The following PROM1 variants were observed in gnomAD, a reference collection of about 807,000 sequenced individuals.
The protein encoded by PROM1 is prominin 1.
Under a neutral mutation model 116.9 loss-of-function variants are expected in PROM1, and 105 were observed. The observed-to-expected ratio is 0.90, with a 90% CI of 0.77 to 1.06. The LOEUF is 1.06. Ranked by LOEUF, PROM1 falls within the 50% of genes least tolerant of loss-of-function variation. The pLI, the probability that PROM1 is intolerant of heterozygous loss-of-function variation, is 0.00. For synonymous variants in PROM1, 393 were observed against 387.0 expected, an observed-to-expected ratio of 1.02 and a Z score of -0.18; for missense variants, 1,122 against 1,045.2, an observed-to-expected ratio of 1.07 and a Z score of -1.01.
At chr4:16,080,528 A>G (rs1744845763) in intron 1 of PROM1, 2 of 152,160 alleles carry the variant, frequency 1.3e-5, no homozygotes, top group African/African-American at 4.8e-5. Flanking sequence ...AAAAAAAAAA[A>G]TTAAAAATGA....
intron 12 of PROM1, among the ~76,000 whole-genome samples, chr4:16,008,257 T>G (rs529887403): frequency 5.3e-5 from 8 of 152,302 alleles, no homozygotes; most frequent in Admixed American, 1.3e-4. Context: ...TACATGATCC[T>G]CTAAATTTCT....
chr4:16,057,661 C>T (rs1363638163), intron 2 of PROM1, among the ~76,000 whole-genome samples: 1 of 152,182 alleles, frequency 6.6e-6, no homozygotes, highest in African/African-American at 2.4e-5. Context: ...TTCTCTATTT[C>T]CCTTCTCTAG....
At chr4:15,977,208 G>C (rs949784889) in intron 26 of PROM1, among the ~76,000 whole-genome samples, 1 of 146,594 alleles carries the variant, frequency 6.8e-6, no homozygotes, top group African/African-American at 2.5e-5. Context: ...TCTCTCTCTA[G>C]CATCTTCCAG....
At chr4:15,996,867 T>TTCTGTGTC (rs1462067980) in intron 15 of PROM1, among the ~76,000 whole-genome samples, 8 of 152,166 alleles carry the variant, frequency 5.3e-5, no homozygotes, top group African/African-American at 1.9e-4. Flanking sequence ...ATGGAAGGGC[T>TTCTGTGTC]TCTGTGTCTC....
intron 2 of PROM1, among the ~76,000 whole-genome samples, chr4:16,051,605 C>T (rs781659657): frequency 3.9e-5 from 6 of 152,184 alleles, no homozygotes; most frequent in African/African-American, 9.7e-5. Context: ...GAGTGCAACA[C>T]GTAAGGCCTC....
In PROM1 at chr4:15,969,068, T is replaced by C. The variant is rs1039681686; in HGVS notation, c.*325A>G. 2 of 152,172 alleles carry C rather than the reference T, an allele frequency of 1.3e-5. No homozygotes were observed. Among genetic ancestry groups the C allele is most frequent in the African/African-American group, 4.8e-5 (2 of 41,434 alleles). 9.4% of individuals were successfully genotyped at this position (152,172 alleles called of 1,614,324 possible). On this transcript the variant is annotated 3_prime_UTR_variant, in exon 28 of 28. Coordinates refer to ENST00000447510, the MANE Select transcript of PROM1 (RefSeq NM_006017.3). ...ACATTTGATAGAGTTTTGATAGAAA[T>C]GCATCCAATGGGAACAAACACCCCA...
At chr4:15,977,819 T>C (rs967254858) in intron 26 of PROM1, among the ~76,000 whole-genome samples, 6 of 152,160 alleles carry the variant, frequency 3.9e-5, no homozygotes, top group African/African-American at 1.4e-4. Flanking sequence ...AGGATGGTCT[T>C]GATCTCCTGA....
intron 4 of PROM1, among the ~76,000 whole-genome samples, chr4:16,035,452 A>C (rs1733735939): frequency 6.6e-6 from 1 of 152,220 alleles, no homozygotes; most frequent in Non-Finnish European, 1.5e-5. Context: ...CAGTATCAGG[A>C]ACAAGATACG....
At chr4:16,083,490 G>A in intron 1 of PROM1, 1 of 152,622 alleles carries the variant, frequency 6.6e-6, no homozygotes, top group Non-Finnish European at 1.5e-5. Context: ...GTCCGGGCCC[G>A]CACCACCTGC....
intron 2 of PROM1, among the ~76,000 whole-genome samples, 158 bp from the exon 3 acceptor site, chr4:16,039,159 T>C (rs563300214): frequency 6.6e-6 from 1 of 152,326 alleles, no homozygotes; most frequent in South Asian, 2.1e-4. Flanking sequence ...AAATAATTAA[T>C]GACCTCTAGC....
intron 2 of PROM1, among the ~76,000 whole-genome samples, chr4:16,073,162 G>A (rs765197325): frequency 2.0e-5 from 3 of 152,126 alleles, no homozygotes; most frequent in Admixed American, 6.5e-5. Flanking sequence ...CAGCAGGCAC[G>A]AAGAGCCCAC....
chr4:15,977,947 T>C (rs1415758603), intron 26 of PROM1, among the ~76,000 whole-genome samples: 2 of 152,168 alleles, frequency 1.3e-5, no homozygotes, highest in African/African-American at 2.4e-5. Context: ...ATCTGAATGT[T>C]TGTGCACTCT....
chr4:16,037,920 A>C (rs11939573), intron 3 of PROM1: 147 of 152,324 alleles, frequency 9.7e-4, no homozygotes, highest in African/African-American at 3.4e-3. Flanking sequence ...TGAAAATACT[A>C]TGGATTCACT....
intron 4 of PROM1, 111 bp downstream of exon 4, chr4:16,035,624 T>C (rs1733774706): frequency 1.3e-5 from 14 of 1,050,816 alleles, no homozygotes; most frequent in African/African-American, 3.1e-5. Flanking sequence ...TTAAAAGTGA[T>C]GGTAAAAACA....
At chr4:16,028,081 C>T (rs964577306) in intron 5 of PROM1, among the ~76,000 whole-genome samples, 3 of 139,412 alleles carry the variant, frequency 2.2e-5, no homozygotes, top group African/African-American at 6.8e-5. Flanking sequence ...CTTGGGACAC[C>T]GACATGGGAT....
intron 1 of PROM1, among the ~76,000 whole-genome samples, chr4:16,079,164 G>A (rs982615386): frequency 6.6e-6 from 1 of 152,134 alleles, no homozygotes; most frequent in Non-Finnish European, 1.5e-5. Context: ...AGGCTCAGAT[G>A]CTGAGAAGGC....
intron 11 of PROM1, among the ~76,000 whole-genome samples, chr4:16,011,123 G>A (rs753760981): frequency 2.1e-4 from 32 of 152,198 alleles, no homozygotes; most frequent in Non-Finnish European, 4.1e-4. Context: ...ACATGGCTCC[G>A]TGACTTTGCT....
At chr4:16,009,188 C>A (rs1264581475) in intron 11 of PROM1, 80 bp from the exon 12 acceptor site, 20 of 1,227,962 alleles carry the variant, frequency 1.6e-5, no homozygotes, top group Non-Finnish European at 2.3e-5. Flanking sequence ...AACAGAAAAG[C>A]CTGAACCACC....
intron 8 of PROM1, among the ~76,000 whole-genome samples, chr4:16,020,359 C>T (rs749107059): frequency 6.6e-6 from 1 of 151,972 alleles, no homozygotes; most frequent in Non-Finnish European, 1.5e-5. Flanking sequence ...CGAAGAGCAC[C>T]CTGGGTATCA....
Sources: gnomAD v4.1 joint callset for allele counts (sites outside exome capture counted in the v4.1 genomes callset) on GRCh38, gnomAD v4.1.1 for gene constraint, MANE v1.5 for transcripts, NCBI Gene and HGNC (gene_info 2026-07-23, HGNC 2026-07-21) for gene names.